Variants in AR observed in about 807,000 individuals in gnomAD.
AR encodes the protein dihydrotestosterone receptor.
A neutral mutation model predicts 53.9 loss-of-function variants in AR; 8 were observed. That is an observed-to-expected ratio of 0.15 (90% CI 0.09 to 0.27). The LOEUF is 0.27. AR is among the 10% of genes least tolerant of loss of function. The probability of loss-of-function intolerance (pLI) is 1.00; values close to 1 mark genes in which losing one functional copy is unlikely to be tolerated. For missense variants in AR, 639 were observed against 742.5 expected, an observed-to-expected ratio of 0.86 and a Z score of 1.62; for synonymous variants, 359 against 316.4, an observed-to-expected ratio of 1.13 and a Z score of -1.43.
At chrX:67,712,242 T>C (rs2076096916) in intron 4 of AR, among the ~76,000 whole-genome samples, 1 of 112,184 alleles carries the variant, frequency 8.9e-6, no homozygotes, top group Non-Finnish European at 1.9e-5. Context: ...AATTTCTCTA[T>C]CTGTATAATG....
At chrX:67,673,142 G>A (rs770903350) in intron 2 of AR, among the ~76,000 whole-genome samples, 62 of 108,225 alleles carry the variant, frequency 5.7e-4, no homozygotes, top group Non-Finnish European at 8.8e-4. Flanking sequence ...ACATATATGA[G>A]TTCCATTCTA....
intron 1 of AR, among the ~76,000 whole-genome samples, chrX:67,638,057 G>A (rs145076202): frequency 0.011 from 1,184 of 110,914 alleles, 16 homozygotes; most frequent in African/African-American, 0.038. Flanking sequence ...TCCCACTTTT[G>A]AGTGAGAACA....
At chrX:67,563,085 AT>A (rs1430108372) in intron 1 of AR, among the ~76,000 whole-genome samples, 1 of 111,881 alleles carries the variant, frequency 8.9e-6, no homozygotes, top group African/African-American at 3.3e-5. Flanking sequence ...ATAGTAGATG[AT>A]TTTTACAGTC....
chrX:67,635,673 C>CA (rs1440472412), intron 1 of AR, among the ~76,000 whole-genome samples: 1 of 110,940 alleles, frequency 9.0e-6, no homozygotes, highest in Non-Finnish European at 1.9e-5. Context: ...CCTGTATTGT[C>CA]AGGCCAACAG....
At position 67,628,065 on chromosome X, in the gene AR, G is replaced by T. The variant is rs6624302; in HGVS notation, c.1617-15191G>T. 1.2e-4 allele frequency among the ~76,000 whole-genome samples: 13 copies of T among 111,486 alleles called. No homozygotes were observed. The East Asian group carries it at 2.0e-3, about 17-fold the overall frequency. ...CCTTGTAGTATAGTTAGAAGTCAGG[G>T]AGTGTGATGCCTCCAGCTTTGTTCT... On this transcript the variant is annotated intron_variant, in intron 1 of 7. Coordinates refer to ENST00000374690, the MANE Select transcript of AR (RefSeq NM_000044.6).
rs148267176 is a variant in AR, at chrX:67,660,021, C to G, written c.1768+16614C>G. The stretch of plus-strand genomic sequence containing the variant: ...GGCTGTGTAAATGTCTTCTTTGAGA[C>G]GTGTCTGTTCATATCCTTTGCCCAC... On this transcript the variant is annotated intron_variant, in intron 2 of 7. Coordinates refer to ENST00000374690, the MANE Select transcript of AR (RefSeq NM_000044.6). 2.7e-5 allele frequency among the ~76,000 whole-genome samples: 3 copies of G among 111,668 alleles called. No homozygotes were observed. In the South Asian group the frequency reaches 1.1e-3, roughly 42 times the overall value.
chrX:67,721,972 C>T lies in AR; in HGVS notation c.2449+9C>T, dbSNP rs190700514. 3 of 1,210,690 alleles carry T rather than the reference C, an allele frequency of 2.5e-6. No individual in the cohort carries two copies. The highest frequency in any genetic ancestry group is 1.8e-5 in the South Asian group (1 of 56,841). On this transcript the variant is annotated intron_variant, in intron 6 of 7. Transcript: ENST00000374690. ...GCTACTCTTCAGCATTAGTAAGTGCCTAGAAGTGCAGGGAATGCCCCCTGA... is the reference window on the plus strand; with the variant it reads ...GCTACTCTTCAGCATTAGTAAGTGCTTAGAAGTGCAGGGAATGCCCCCTGA...
intron 1 of AR, among the ~76,000 whole-genome samples, chrX:67,601,090 A>G (rs1923331489): frequency 8.9e-6 from 1 of 112,235 alleles, no homozygotes; most frequent in African/African-American, 3.2e-5. Flanking sequence ...TATTCCATAA[A>G]TTCTGCTTAC....
chrX:67,638,924 T>A (rs1258989539), intron 1 of AR, among the ~76,000 whole-genome samples: 1 of 112,050 alleles, frequency 8.9e-6, no homozygotes, highest in Non-Finnish European at 1.9e-5. Context: ...TGAATGGTAT[T>A]GCCTAGGTTT....
chrX:67,639,915 T>G (rs1156568172), intron 1 of AR, among the ~76,000 whole-genome samples: 1 of 111,771 alleles, frequency 8.9e-6, no homozygotes, highest in Non-Finnish European at 1.9e-5. Context: ...AAGGGAGTGC[T>G]TCCAGTTTTT....
chrX:67,694,349 C>T (rs2076009695), intron 3 of AR, among the ~76,000 whole-genome samples: 1 of 109,723 alleles, frequency 9.1e-6, no homozygotes. Context: ...CACCCCACCC[C>T]CACATACACA....
intron 1 of AR, among the ~76,000 whole-genome samples, chrX:67,558,026 T>C (rs1921132108): frequency 8.9e-6 from 1 of 111,954 alleles, no homozygotes; most frequent in African/African-American, 3.2e-5. Flanking sequence ...TTAGAGTTCA[T>C]GGAACCTGGG....
intron 1 of AR, among the ~76,000 whole-genome samples, chrX:67,584,774 G>A (rs1294800188): frequency 1.8e-5 from 2 of 111,677 alleles, no homozygotes; most frequent in Non-Finnish European, 3.8e-5. Flanking sequence ...ACTCTCCCAG[G>A]CTTCTTTGTT....
intron 1 of AR, among the ~76,000 whole-genome samples, chrX:67,632,402 C>T (rs1352015402): frequency 2.7e-5 from 3 of 112,271 alleles, no homozygotes; most frequent in African/African-American, 9.7e-5. Context: ...ACCCAATTTT[C>T]CAGGTGCCGT....
chrX:67,698,753 C>A, intron 3 of AR, among the ~76,000 whole-genome samples: 1 of 111,783 alleles, frequency 8.9e-6, no homozygotes, highest in East Asian at 2.8e-4. Context: ...CTGTCTCACC[C>A]TTGCTTTCCC....
intron 1 of AR, among the ~76,000 whole-genome samples, chrX:67,634,341 A>G (rs181941331): frequency 1.0e-3 from 117 of 111,770 alleles, no homozygotes; most frequent in Non-Finnish European, 1.0e-3. Context: ...TTATTACAGT[A>G]ATAACCATTT....
intron 1 of AR, among the ~76,000 whole-genome samples, chrX:67,619,399 T>A (rs1924270982): frequency 9.0e-6 from 1 of 110,860 alleles, no homozygotes; most frequent in Non-Finnish European, 1.9e-5. Flanking sequence ...TATTAGTCAC[T>A]GATTGACTGA....
chrX:67,722,756 A>T (rs766271332), intron 6 of AR, 71 bp from the exon 7 acceptor site: 3 of 1,165,275 alleles, frequency 2.6e-6, no homozygotes, highest in Non-Finnish European at 3.5e-6. Flanking sequence ...TGGTCAGAAA[A>T]CTTGGTGCTT....
intron 1 of AR, among the ~76,000 whole-genome samples, chrX:67,630,035 G>A (rs1490666538): frequency 3.6e-5 from 4 of 110,996 alleles, no homozygotes; most frequent in African/African-American, 1.3e-4. Context: ...TTTTACATTT[G>A]CTGAGGAGAG....
Sources: gnomAD v4.1 joint callset for allele counts (sites outside exome capture counted in the v4.1 genomes callset) on GRCh38, gnomAD v4.1.1 for gene constraint, MANE v1.5 for transcripts, NCBI Gene and HGNC (gene_info 2026-07-23, HGNC 2026-07-21) for gene names.